The following RTL4 variants were observed in gnomAD, a reference collection of about 807,000 sequenced individuals.
RTL4 encodes retrotransposon Gag like 4, also known as retrotransposon Gag-like protein 4.
In RTL4, 4 loss-of-function variants were observed where a neutral mutation model predicts 5.3. The ratio of observed to expected loss-of-function variants is 0.75; its 90% CI spans 0.37 to 1.72. The LOEUF (loss-of-function observed/expected upper bound fraction) is 1.72, where lower values mean the gene tolerates loss of function less well. Among genes scored for constraint, RTL4 ranks in the 40% most tolerant of loss-of-function variants. RTL4 has a pLI of 0.04. For synonymous variants in RTL4, 98 were observed against 87.3 expected, an observed-to-expected ratio of 1.12 and a Z score of -0.68; for missense variants, 260 against 227.1, an observed-to-expected ratio of 1.14 and a Z score of -0.93.
At chrX:112,326,275 G>A in the RTL4 span, among the ~76,000 whole-genome samples, 1 of 111,433 alleles carries the variant, frequency 9.0e-6, no homozygotes, top group African/African-American at 3.3e-5. Context: ...CCAGACAGTG[G>A]GCGCAGGTCA....
At chrX:112,272,073 A>G in the RTL4 span, among the ~76,000 whole-genome samples, 2 of 112,023 alleles carry the variant, frequency 1.8e-5, no homozygotes, top group African/African-American at 6.5e-5. Context: ...TTTCGAATGT[A>G]CAATACTGTA....
the RTL4 span, among the ~76,000 whole-genome samples, chrX:112,403,567 C>G: frequency 1.8e-5 from 2 of 111,775 alleles, no homozygotes; most frequent in African/African-American, 6.5e-5. Flanking sequence ...ACTATACAAT[C>G]TCTGAGGTAC....
chrX:112,280,025 A>T, the RTL4 span, among the ~76,000 whole-genome samples: 3 of 111,771 alleles, frequency 2.7e-5, no homozygotes, highest in Admixed American at 9.5e-5. Flanking sequence ...AGAGATGGAA[A>T]ATGTGTATGT....
the RTL4 span, among the ~76,000 whole-genome samples, chrX:112,421,629 A>G: frequency 3.1e-3 from 349 of 112,119 alleles, 1 homozygote; most frequent in Non-Finnish European, 5.2e-3. Context: ...AATGAGTGGG[A>G]AAATTAGCAA....
chrX:112,335,737 T>G, the RTL4 span, among the ~76,000 whole-genome samples: 1 of 111,226 alleles, frequency 9.0e-6, no homozygotes, highest in Admixed American at 9.6e-5. Context: ...TTATTCCAAC[T>G]CATTAATTTT....
chrX:112,116,547 T>A, the RTL4 span, among the ~76,000 whole-genome samples: 1 of 111,815 alleles, frequency 8.9e-6, no homozygotes, highest in East Asian at 2.8e-4. Context: ...AGAGTGCTGA[T>A]TGGTCCATTT....
chrX:112,195,267 GA>G, the RTL4 span, among the ~76,000 whole-genome samples: 1 of 111,846 alleles, frequency 8.9e-6, no homozygotes, highest in Non-Finnish European at 1.9e-5. Context: ...TTCAAGCATA[GA>G]GACAGGAAGC....
At chrX:112,101,276 A>G in the RTL4 span, among the ~76,000 whole-genome samples, 1 of 111,841 alleles carries the variant, frequency 8.9e-6, no homozygotes, top group Non-Finnish European at 1.9e-5. Context: ...AAACCACTCT[A>G]CTGAATAATT....
chrX:112,235,252 AC>A, the RTL4 span, among the ~76,000 whole-genome samples: 1 of 111,674 alleles, frequency 9.0e-6, no homozygotes, highest in Admixed American at 9.5e-5. Context: ...GCAAATAGCT[AC>A]CCTAGGCCAA....
the RTL4 span, among the ~76,000 whole-genome samples, chrX:112,254,647 C>G: frequency 4.8e-5 from 5 of 104,918 alleles, no homozygotes; most frequent in Non-Finnish European, 9.8e-5. Flanking sequence ...TACTTTCATT[C>G]AACAAACATT....
chrX:112,329,660 G>C, the RTL4 span, among the ~76,000 whole-genome samples: 1 of 110,740 alleles, frequency 9.0e-6, no homozygotes, highest in East Asian at 2.9e-4. Context: ...CTCATTTTAT[G>C]AGGCCAGCAT....
At chrX:112,416,621 A>G in the RTL4 span, among the ~76,000 whole-genome samples, 4 of 112,157 alleles carry the variant, frequency 3.6e-5, no homozygotes, top group South Asian at 3.7e-4. Flanking sequence ...ATTCTCGTGT[A>G]CAATGGAACA....
At chrX:112,326,155 G>T in the RTL4 span, among the ~76,000 whole-genome samples, 2 of 111,946 alleles carry the variant, frequency 1.8e-5, no homozygotes, top group East Asian at 5.6e-4. Context: ...CAGGAGCCAA[G>T]ATGGCCGAAT....
chrX:112,086,391 CAA>C, the RTL4 span, among the ~76,000 whole-genome samples: 1 of 112,017 alleles, frequency 8.9e-6, no homozygotes, highest in Non-Finnish European at 1.9e-5. Flanking sequence ...ATGGCAAAAG[CAA>C]AAGAAATGGA....
chrX:112,414,442 T>C, the RTL4 span, among the ~76,000 whole-genome samples: 1 of 111,709 alleles, frequency 9.0e-6, no homozygotes, highest in Admixed American at 9.5e-5. Flanking sequence ...TCTAATGCTC[T>C]CTTGTATTGC....
the RTL4 span, among the ~76,000 whole-genome samples, chrX:112,353,949 A>T: frequency 9.0e-6 from 1 of 111,622 alleles, no homozygotes; most frequent in Non-Finnish European, 1.9e-5. Context: ...AATATTTAGT[A>T]TCTTAGAATT....
At chrX:112,244,950 A>G in the RTL4 span, among the ~76,000 whole-genome samples, 7 of 111,668 alleles carry the variant, frequency 6.3e-5, no homozygotes, top group Admixed American at 6.7e-4. Flanking sequence ...TCCTTCACTT[A>G]TGAAGCTTAA....
At chrX:112,398,396 C>CTTTTTTT in the RTL4 span, among the ~76,000 whole-genome samples, 13 of 72,160 alleles carry the variant, frequency 1.8e-4, no homozygotes, top group African/African-American at 4.2e-4. Flanking sequence ...TTCTTTCTTT[C>CTTTTTTT]TTTTTTTTTT....
At chrX:112,446,821 T>C in the RTL4 span, among the ~76,000 whole-genome samples, 1,196 of 111,620 alleles carry the variant, frequency 0.011, 5 homozygotes, top group Middle Eastern at 0.037. Flanking sequence ...GCACTTCACC[T>C]AGGCAACAGA....
Sources: gnomAD v4.1 joint callset for allele counts (sites outside exome capture counted in the v4.1 genomes callset) on GRCh38, gnomAD v4.1.1 for gene constraint, MANE v1.5 for transcripts, NCBI Gene and HGNC (gene_info 2026-07-23, HGNC 2026-07-21) for gene names.